Variants in JMJD1C observed in about 807,000 individuals in gnomAD.
The protein encoded by JMJD1C is jumonji domain-containing protein 1C.
JMJD1C carries 31 observed loss-of-function variants against 245.3 expected under a neutral mutation model. The ratio of observed to expected loss-of-function variants is 0.13; its 90% CI spans 0.09 to 0.17. JMJD1C has a LOEUF of 0.17. JMJD1C is among the 10% of genes least tolerant of loss of function. The probability of loss-of-function intolerance (pLI) is 1.00; values close to 1 mark genes in which losing one functional copy is unlikely to be tolerated. For synonymous variants in JMJD1C, 1,057 were observed against 1,017.4 expected (o/e 1.04, Z -0.74); for missense variants, 2,691 against 3,000.2 (o/e 0.90, Z 2.41).
At chr10:63,304,206 T>C (rs1021901118) in intron 2 of JMJD1C, among the ~76,000 whole-genome samples, 22 of 152,238 alleles carry the variant, frequency 1.4e-4, no homozygotes, top group African/African-American at 5.1e-4. Context: ...CTTCAAACTT[T>C]TGAAAACCAT....
At chr10:63,399,734 C>A (rs751961361) in intron 1 of JMJD1C, among the ~76,000 whole-genome samples, 9 of 151,408 alleles carry the variant, frequency 5.9e-5, no homozygotes, top group Non-Finnish European at 1.3e-4. Flanking sequence ...TATGGTTATG[C>A]CACTTAGGCT....
chr10:63,368,242 T>C (rs1422366244), intron 2 of JMJD1C, among the ~76,000 whole-genome samples: 1 of 152,132 alleles, frequency 6.6e-6, no homozygotes, highest in Non-Finnish European at 1.5e-5. Flanking sequence ...CTGAAATATA[T>C]ATACTGTCCT....
At position 63,303,115 on chromosome 10, in the gene JMJD1C, C is replaced by A. The variant is rs542768018; in HGVS notation, c.334-38351G>T. 4.6e-5 allele frequency among the ~76,000 whole-genome samples: 7 copies of A among 152,226 alleles called. No individual in the cohort carries two copies. The East Asian group carries it at 1.4e-3, about 30-fold the overall frequency. On this transcript the variant is annotated intron_variant, in intron 2 of 25. Transcript: ENST00000399262. ...TTGTGTTGTAATATTCACTAATTCA[C>A]TAAGCATGTTTTAATAAAGTTTATT...
chr10:63,284,601 G>C (rs1426230761), intron 2 of JMJD1C, among the ~76,000 whole-genome samples: 1 of 152,090 alleles, frequency 6.6e-6, no homozygotes, highest in Non-Finnish European at 1.5e-5. Flanking sequence ...ATAAACAAGA[G>C]TTAAGTTCCT....
chr10:63,282,475 A>G (rs180891557), intron 2 of JMJD1C, among the ~76,000 whole-genome samples: 1 of 152,352 alleles, frequency 6.6e-6, no homozygotes, highest in African/African-American at 2.4e-5. Flanking sequence ...AAGTACTGAT[A>G]TGCAACACAG....
chr10:63,171,483 G>A (rs893787912), intron 24 of JMJD1C, among the ~76,000 whole-genome samples: 2 of 152,222 alleles, frequency 1.3e-5, no homozygotes, highest in African/African-American at 4.8e-5. Context: ...GGTCATTGCT[G>A]ACGGGCCAAA....
chr10:63,347,657 A>T (rs966754248), intron 2 of JMJD1C, among the ~76,000 whole-genome samples: 1 of 152,036 alleles, frequency 6.6e-6, no homozygotes, highest in Non-Finnish European at 1.5e-5. Flanking sequence ...TCATGCCTGT[A>T]ATCCCAGCAC....
intron 2 of JMJD1C, among the ~76,000 whole-genome samples, chr10:63,266,699 G>A (rs1237009570): frequency 6.6e-6 from 1 of 152,014 alleles, no homozygotes; most frequent in East Asian, 1.9e-4. Flanking sequence ...ACTCATGAAG[G>A]TTAACAAAAA....
At chr10:63,223,562 G>C (rs1420305729) in intron 3 of JMJD1C, among the ~76,000 whole-genome samples, 2 of 152,132 alleles carry the variant, frequency 1.3e-5, no homozygotes, top group South Asian at 4.1e-4. Flanking sequence ...CCAACACCGT[G>C]CAGACAAGTA....
chr10:63,450,750 G>A (rs1242124825), intron 1 of JMJD1C, among the ~76,000 whole-genome samples: 1 of 152,130 alleles, frequency 6.6e-6, no homozygotes, highest in Non-Finnish European at 1.5e-5. Flanking sequence ...TTTTCTCTAA[G>A]ATCAAGAGCA....
rs551878633 is a variant in JMJD1C at position 63,258,986 on chromosome 10, G to A, written c.447+5665C>T. ...AAGTATACTAATAAATACTGTACCA[G>A]GTCAAATTCTCATTCACACTATAGA... On this transcript the variant is annotated intron_variant, in intron 3 of 25. Coordinates refer to ENST00000399262, the MANE Select transcript of JMJD1C (RefSeq NM_032776.3). Among the ~76,000 whole-genome samples the A allele has an allele frequency of 2.6e-5, 4 of 152,214 alleles. No individual in the cohort carries two copies. In the East Asian group the frequency reaches 7.7e-4, roughly 29 times the overall value.
rs187183883 is a variant in JMJD1C, at chr10:63,401,807, G to C, written c.169-21325C>G. 3.7e-4 allele frequency among the ~76,000 whole-genome samples: 56 copies of C among 152,174 alleles called. 1 individual carries two copies. Among genetic ancestry groups the C allele is most frequent in the Non-Finnish European group, 4.4e-5 (3 of 68,016 alleles). ...TTCAGGAGTTGACTAACACATGAAA[G>C]CAGAGCCTTCATGTATAGAATTAAT... On this transcript the variant is annotated intron_variant, in intron 1 of 25. Coordinates refer to ENST00000399262, the MANE Select transcript of JMJD1C (RefSeq NM_032776.3).
Position 63,488,013 on chromosome 10 carries a change from C to T in JMJD1C, n.113+33725G>A, listed in dbSNP as rs369498819. Among the ~76,000 whole-genome samples, 6 of 152,106 alleles carry T rather than the reference C, an allele frequency of 3.9e-5. No individual in the cohort carries two copies. In the East Asian group the frequency reaches 5.8e-4, roughly 15 times the overall value. The stretch of plus-strand genomic sequence containing the variant: ...TGAAAGTTAAGTGTATATGGTCATA[C>T]GATGTGGATGACAGAGCTGGGATTC... On this transcript the variant is annotated intron_variant and non_coding_transcript_variant, in intron 1 of 3. Coordinates refer to the JMJD1C transcript ENST00000633035.
upstream of JMJD1C, among the ~76,000 whole-genome samples, chr10:63,469,489 C>T (rs1953421610): frequency 6.6e-6 from 1 of 152,094 alleles, no homozygotes; most frequent in Non-Finnish European, 1.5e-5. Flanking sequence ...GTTGTTTCAT[C>T]CTTATTTACA....
intron 2 of JMJD1C, among the ~76,000 whole-genome samples, chr10:63,301,354 A>G (rs915951468): frequency 3.3e-5 from 5 of 152,208 alleles, no homozygotes; most frequent in African/African-American, 9.7e-5. Context: ...GTGTACAAAC[A>G]TTCAAAAATA....
chr10:63,301,205 G>A (rs1860032160), intron 2 of JMJD1C, among the ~76,000 whole-genome samples: 1 of 152,066 alleles, frequency 6.6e-6, no homozygotes, highest in East Asian at 1.9e-4. Flanking sequence ...TGCAGAGATG[G>A]GGTTTTGCCA....
intron 1 of JMJD1C, among the ~76,000 whole-genome samples, chr10:63,476,661 C>T (rs549837099): frequency 7.9e-5 from 12 of 152,078 alleles, no homozygotes; most frequent in Admixed American, 5.9e-4. Flanking sequence ...TCCAGAAGAT[C>T]AACGCTGCAG....
At chr10:63,378,027 A>G (rs1400670832) in intron 2 of JMJD1C, among the ~76,000 whole-genome samples, 1 of 150,418 alleles carries the variant, frequency 6.6e-6, no homozygotes, top group Non-Finnish European at 1.5e-5. Flanking sequence ...TAGTAATAGG[A>G]CTAAAAAGAT....
At chr10:63,298,755 G>A (rs187176108) in intron 2 of JMJD1C, among the ~76,000 whole-genome samples, 164 of 151,672 alleles carry the variant, frequency 1.1e-3, no homozygotes, top group Non-Finnish European at 1.9e-3. Flanking sequence ...TTTTTTAGAC[G>A]GAGTTTTGCT....
Sources: gnomAD v4.1 joint callset for allele counts (sites outside exome capture counted in the v4.1 genomes callset) on GRCh38, gnomAD v4.1.1 for gene constraint, MANE v1.5 for transcripts, NCBI Gene and HGNC (gene_info 2026-07-23, HGNC 2026-07-21) for gene names.